Variants in COLEC12 observed in about 807,000 individuals in gnomAD.
COLEC12 encodes collectin subfamily member 12.
A neutral mutation model predicts 71.1 loss-of-function variants in COLEC12; 33 were observed. That is an observed-to-expected ratio of 0.46 (90% CI 0.35 to 0.62). The LOEUF is 0.62. Among genes scored for constraint, COLEC12 ranks in the 20% least tolerant of loss-of-function variants. The probability of loss-of-function intolerance (pLI) is 0.00; values close to 1 mark genes in which losing one functional copy is unlikely to be tolerated. For missense variants in COLEC12, 765 were observed against 916.1 expected, an observed-to-expected ratio of 0.84 and a Z score of 2.13; for synonymous variants, 350 against 353.0, an observed-to-expected ratio of 0.99 and a Z score of 0.10.
chr18:464,849 T>C (rs1381916500), intron 2 of COLEC12, among the ~76,000 whole-genome samples: 4 of 152,194 alleles, frequency 2.6e-5, no homozygotes, highest in Admixed American at 2.0e-4. Context: ...CTTATTCCTA[T>C]TGAGAGTTAG....
intron 2 of COLEC12, among the ~76,000 whole-genome samples, chr18:403,351 A>G (rs540787833): frequency 1.6e-3 from 251 of 152,352 alleles, no homozygotes; most frequent in African/African-American, 5.7e-3. Context: ...TGCAGGTGTC[A>G]TTATAAATAT....
intron 5 of COLEC12, among the ~76,000 whole-genome samples, chr18:340,590 C>T (rs188376314): frequency 6.6e-6 from 1 of 152,314 alleles, no homozygotes; most frequent in East Asian, 1.9e-4. Flanking sequence ...TCCAACAAAA[C>T]TCCCGGTGCT....
At position 357,580 on chromosome 18, in the gene COLEC12, C is replaced by CT. The variant is rs915014168; in HGVS notation, c.59-59dup. ...GCAAAGATGTCATTTTAAAATTTAT[C>CT]TTTTTGCATTTAGGTTCAAATATTG... On this transcript the variant is annotated intron_variant, in intron 2 of 9. Coordinates refer to ENST00000400256, the MANE Select transcript of COLEC12 (RefSeq NM_130386.3). 5 of 1,409,856 alleles carry CT rather than the reference C, an allele frequency of 3.5e-6. No individual in the cohort carries two copies. In the Admixed American group the frequency reaches 7.4e-5, roughly 21 times the overall value. 87.3% of individuals were successfully genotyped at this position (1,409,856 alleles called of 1,614,324 possible). A position where few individuals can be genotyped will look rare whatever the true frequency, so the allele number is the denominator to read the frequency against.
At chr18:423,636 T>C (rs1272213236) in intron 2 of COLEC12, 1 of 152,176 alleles carries the variant, frequency 6.6e-6, no homozygotes, top group African/African-American at 2.4e-5. Context: ...AACCAGTAAA[T>C]GAGATTTTAA....
At chr18:372,791 C>T (rs1282400089) in intron 2 of COLEC12, among the ~76,000 whole-genome samples, 2 of 152,100 alleles carry the variant, frequency 1.3e-5, no homozygotes, top group Non-Finnish European at 2.9e-5. Flanking sequence ...CAAGGGTGTA[C>T]CTAGAACATT....
At chr18:468,729 G>A (rs1890825164) in intron 2 of COLEC12, among the ~76,000 whole-genome samples, 1 of 152,164 alleles carries the variant, frequency 6.6e-6, no homozygotes, top group African/African-American at 2.4e-5. Flanking sequence ...TCCTCACAAT[G>A]TCCCTGAAAC....
At chr18:423,550 C>T (rs1226804156) in intron 2 of COLEC12, among the ~76,000 whole-genome samples, 1 of 152,020 alleles carries the variant, frequency 6.6e-6, no homozygotes, top group African/African-American at 2.4e-5. Context: ...ACTAGCCTTC[C>T]CAGTATCAGT....
intron 2 of COLEC12, among the ~76,000 whole-genome samples, chr18:394,397 T>A (rs1915525165): frequency 6.6e-6 from 1 of 152,256 alleles, no homozygotes; most frequent in African/African-American, 2.4e-5. Flanking sequence ...ACAGCCTCCC[T>A]TGTTCTTCTA....
chr18:491,616 C>T (rs1261110558), intron 1 of COLEC12, among the ~76,000 whole-genome samples: 1 of 152,180 alleles, frequency 6.6e-6, no homozygotes, highest in African/African-American at 2.4e-5. Flanking sequence ...TATCCTAGAA[C>T]TTTAATCATC....
Position 468,488 on chromosome 18 carries a change from C to T in COLEC12, c.58+12219G>A, listed in dbSNP as rs367770692. On this transcript the variant is annotated intron_variant, in intron 2 of 9. Coordinates refer to ENST00000400256, the MANE Select transcript of COLEC12 (RefSeq NM_130386.3). The stretch of plus-strand genomic sequence containing the variant: ...GCATAGCAAAAGAAAGGCTATAATT[C>T]TGATCTCCATGCTTCCAATTCAGAA... Among the ~76,000 whole-genome samples the T allele has an allele frequency of 2.6e-5, 4 of 152,248 alleles. No individual in the cohort carries two copies. In the East Asian group the frequency reaches 7.7e-4, roughly 29 times the overall value.
At chr18:348,310 C>T in intron 3 of COLEC12, 147 bp from the exon 4 acceptor site, 1 of 534,138 alleles carries the variant, frequency 1.9e-6, no homozygotes, top group Non-Finnish European at 3.3e-6. Context: ...GAAAGAAAAG[C>T]CATCTTTTTG....
At chr18:371,102 T>C (rs1451858069) in intron 2 of COLEC12, among the ~76,000 whole-genome samples, 1 of 152,192 alleles carries the variant, frequency 6.6e-6, no homozygotes, top group Non-Finnish European at 1.5e-5. Context: ...GCCAACCACC[T>C]GTAAATACAA....
chr18:358,740 C>T (rs1342683497), intron 2 of COLEC12, among the ~76,000 whole-genome samples: 2 of 152,192 alleles, frequency 1.3e-5, no homozygotes, highest in African/African-American at 4.8e-5. Context: ...TAGACTACTA[C>T]ACACCTAGGC....
intron 2 of COLEC12, among the ~76,000 whole-genome samples, chr18:386,047 G>A (rs1472125488): frequency 1.3e-5 from 2 of 152,128 alleles, no homozygotes; most frequent in Admixed American, 1.3e-4. Context: ...GATACAGTAG[G>A]GGTGGATAAA....
At chr18:401,498 C>A (rs964395761) in intron 2 of COLEC12, among the ~76,000 whole-genome samples, 1 of 148,146 alleles carries the variant, frequency 6.8e-6, no homozygotes, top group Non-Finnish European at 1.5e-5. Flanking sequence ...TTCTCAGTTG[C>A]CTGTGAAAGT....
intron 2 of COLEC12, among the ~76,000 whole-genome samples, chr18:367,181 G>T (rs1914872813): frequency 6.6e-6 from 1 of 152,172 alleles, no homozygotes; most frequent in South Asian, 2.1e-4. Context: ...TGTCATTTGG[G>T]GGCAGCTGAA....
At chr18:466,085 A>G (rs1426592831) in intron 2 of COLEC12, among the ~76,000 whole-genome samples, 1 of 151,770 alleles carries the variant, frequency 6.6e-6, no homozygotes, top group Admixed American at 6.6e-5. Flanking sequence ...ATAAAAAATA[A>G]AAAACTTAGC....
rs977034395 is a variant in COLEC12 at position 480,825 on chromosome 18, T to C, written c.8-68A>G. 8.4e-6 allele frequency: 11 copies of C among 1,307,964 alleles called. No homozygotes were observed. In the South Asian group the frequency reaches 1.2e-4, roughly 14 times the overall value. The allele number at this position is 1,307,964 out of a possible 1,614,324, so 81.0% of individuals were successfully genotyped here. On this transcript the variant is annotated intron_variant, in intron 1 of 9. Transcript: ENST00000400256. The surrounding 1 kb of genome is among the most constrained non-coding windows in gnomAD (Gnocchi z 4.1). The stretch of plus-strand genomic sequence containing the variant: ...CACAGAAGCAGAGGGTGGGGCAGGA[T>C]GCGACCTGCTTCATCGCCCCTGCTT...
chr18:388,587 A>T (rs28502062), intron 2 of COLEC12, among the ~76,000 whole-genome samples: 84,501 of 151,984 alleles, frequency 0.56, 23,847 homozygotes, highest in Non-Finnish European at 0.58. Flanking sequence ...AAACTCCAGG[A>T]TTTTTTGTTT....
Sources: allele counts gnomAD v4.1 joint callset (sites outside exome capture counted in the v4.1 genomes callset), GRCh38; gene constraint gnomAD v4.1.1; non-coding constraint Gnocchi (gnomAD v3.1); transcripts MANE v1.5; gene names NCBI Gene and HGNC (gene_info 2026-07-23, HGNC 2026-07-21).